Variants in CCDC191 observed in about 807,000 individuals in gnomAD.
CCDC191 encodes the protein coiled-coil domain containing 191, also known as coiled-coil domain-containing protein 191.
A neutral mutation model predicts 114.0 loss-of-function variants in CCDC191; 99 were observed. The ratio of observed to expected loss-of-function variants is 0.87; its 90% CI spans 0.74 to 1.03. The LOEUF is 1.03. Among genes scored for constraint, CCDC191 ranks in the 50% least tolerant of loss-of-function variants. CCDC191 has a pLI of 0.00. For synonymous variants in CCDC191, 351 were observed against 376.0 expected (o/e 0.93, Z 0.77); for missense variants, 973 against 1,087.0 (o/e 0.90, Z 1.47).
At chr3:113,992,897 A>C (rs762406399) in intron 13 of CCDC191, among the ~76,000 whole-genome samples, 6 of 152,230 alleles carry the variant, frequency 3.9e-5, no homozygotes, top group Non-Finnish European at 8.8e-5. Context: ...ATAAATGCAA[A>C]AATCCTGAAC....
At chr3:114,056,302 G>T (rs1056354825) in intron 1 of CCDC191, 75 bp downstream of exon 1, 4 of 1,410,864 alleles carry the variant, frequency 2.8e-6, no homozygotes, top group Non-Finnish European at 4.0e-6. Context: ...AAGCACAGAC[G>T]GGCCGCGACT....
At chr3:113,997,824 G>C (rs1209458035) in intron 13 of CCDC191, among the ~76,000 whole-genome samples, 2 of 152,160 alleles carry the variant, frequency 1.3e-5, no homozygotes, top group African/African-American at 4.8e-5. Flanking sequence ...ATTGCCCAGT[G>C]ATACTGTGGT....
intron 7 of CCDC191, among the ~76,000 whole-genome samples, chr3:114,025,048 A>C (rs2076300111): frequency 6.6e-6 from 1 of 152,170 alleles, no homozygotes; most frequent in East Asian, 1.9e-4. Flanking sequence ...CATTAGAGAA[A>C]ATACATTCAG....
intron 4 of CCDC191, chr3:114,039,366 T>G (rs891553120): frequency 6.6e-6 from 1 of 152,076 alleles, no homozygotes; most frequent in Admixed American, 6.6e-5. Flanking sequence ...AAAAATTAGC[T>G]GGGTGTGGTG....
intron 13 of CCDC191, among the ~76,000 whole-genome samples, chr3:113,989,811 C>A (rs1415305141): frequency 4.6e-5 from 7 of 151,984 alleles, no homozygotes; most frequent in Admixed American, 2.6e-4. Flanking sequence ...CACAGTGAGA[C>A]CCCATCTCTA....
chr3:114,031,878 G>A (rs114066038), intron 6 of CCDC191, 99 bp from the exon 7 acceptor site: 20,274 of 612,724 alleles, frequency 0.033, 447 homozygotes, highest in Non-Finnish European at 0.042. Context: ...ATTCTCCTTC[G>A]GAATACACAT....
At chr3:114,017,153 C>A (rs1038632598) in intron 8 of CCDC191, among the ~76,000 whole-genome samples, 1 of 149,592 alleles carries the variant, frequency 6.7e-6, no homozygotes, top group Non-Finnish European at 1.5e-5. Flanking sequence ...CATGTCCTGG[C>A]ATTCAAGGCC....
chr3:114,031,916 T>C (rs1201653400), intron 6 of CCDC191, 137 bp from the exon 7 acceptor site: 1 of 550,484 alleles, frequency 1.8e-6, no homozygotes, highest in Non-Finnish European at 3.2e-6. Context: ...TAAAACTACA[T>C]AGTAGGGTAA....
At chr3:114,009,819 C>T (rs1357918416) in intron 9 of CCDC191, among the ~76,000 whole-genome samples, 8 of 152,022 alleles carry the variant, frequency 5.3e-5, no homozygotes, top group African/African-American at 1.7e-4. Flanking sequence ...TTCACAATGG[C>T]GGCAAACTGG....
intron 3 of CCDC191, among the ~76,000 whole-genome samples, chr3:114,046,068 T>C (rs907852347): frequency 4.6e-5 from 7 of 152,210 alleles, no homozygotes; most frequent in African/African-American, 1.7e-4. Context: ...CACTCTTGAC[T>C]TTCCATCTAC....
chr3:113,999,371 G>C, intron 13 of CCDC191, among the ~76,000 whole-genome samples: 1 of 152,158 alleles, frequency 6.6e-6, no homozygotes, highest in Admixed American at 6.5e-5. Flanking sequence ...GCAAAGAAGG[G>C]AGTTATGAGG....
At position 114,031,650 on chromosome 3, in the gene CCDC191, G is replaced by C; in HGVS notation, c.948C>G (p.Ile316Met). 6.2e-7 allele frequency: 1 copy of C among 1,610,098 alleles called. No homozygotes were observed. ...ERKRKLKEVL[I>M]QTFKENQQCQ... The stretch of plus-strand genomic sequence containing the variant: ...CCTGTTGATTTTCTTTGAAAGTTTG[G>C]ATTAATACTTCTTTCAATTTCCTTT... The change falls in exon 7 of 17, where the codon ATC becomes ATG. Residue 316 changes from isoleucine (I) to methionine (M), a missense_variant. Transcript: ENST00000295878.
At position 114,004,144 on chromosome 3, in the gene CCDC191, T is replaced by C. The variant is rs568500632; in HGVS notation, c.1978+493A>G. On this transcript the variant is annotated intron_variant, in intron 11 of 16. Coordinates refer to ENST00000295878, the MANE Select transcript of CCDC191 (RefSeq NM_020817.2). ...GTTTCTAGATGCATCAAAAATGTTA[T>C]CAAATTAACATATCTGGTTTGTAGG... is the stretch of plus-strand genomic sequence containing the variant. 7.2e-4 allele frequency: 689 copies of C among 954,670 alleles called. 1 individual carries two copies. The highest frequency in any genetic ancestry group is 8.3e-4 in the Non-Finnish European group (668 of 801,938). 59.1% of individuals were successfully genotyped at this position (954,670 alleles called of 1,614,324 possible). A position where few individuals can be genotyped will look rare whatever the true frequency, so the allele number is the denominator to read the frequency against.
chr3:114,049,385 G>A (rs2076671376), intron 2 of CCDC191, among the ~76,000 whole-genome samples: 1 of 152,220 alleles, frequency 6.6e-6, no homozygotes, highest in African/African-American at 2.4e-5. Flanking sequence ...TATACTGTAT[G>A]TGTTCGTATA....
At chr3:114,026,001 TA>T (rs991646064) in intron 7 of CCDC191, among the ~76,000 whole-genome samples, 5 of 152,204 alleles carry the variant, frequency 3.3e-5, no homozygotes, top group Non-Finnish European at 5.9e-5. Flanking sequence ...GTCTAGTGTT[TA>T]GGGGGGAAAT....
chr3:114,031,182 T>A (rs1466516061), intron 7 of CCDC191, among the ~76,000 whole-genome samples: 1 of 152,214 alleles, frequency 6.6e-6, no homozygotes, highest in Non-Finnish European at 1.5e-5. Context: ...TTTAAGTGTA[T>A]CATTGCTTTA....
intron 8 of CCDC191, 131 bp downstream of exon 8, chr3:114,018,547 A>C: frequency 1.4e-6 from 1 of 730,546 alleles, no homozygotes; most frequent in Non-Finnish European, 2.1e-6. Flanking sequence ...ACATAGAAAA[A>C]CTGTGATTAC....
chr3:113,969,148 A>C (rs1287818501), intron 16 of CCDC191, among the ~76,000 whole-genome samples: 1 of 152,218 alleles, frequency 6.6e-6, no homozygotes, highest in Non-Finnish European at 1.5e-5. Flanking sequence ...GCATTAAGCC[A>C]TTCATTAAGC....
chr3:113,986,394 G>A (rs1485330581), intron 13 of CCDC191, among the ~76,000 whole-genome samples: 1 of 152,192 alleles, frequency 6.6e-6, no homozygotes, highest in Non-Finnish European at 1.5e-5. Flanking sequence ...AATGGGGTAA[G>A]TGAAATAATT....
Sources: allele counts gnomAD v4.1 joint callset (sites outside exome capture counted in the v4.1 genomes callset), GRCh38; gene constraint gnomAD v4.1.1; transcripts MANE v1.5; gene names NCBI Gene and HGNC (gene_info 2026-07-23, HGNC 2026-07-21).